The following HERC2 variants were observed in gnomAD, a reference collection of about 807,000 sequenced individuals.
HERC2 encodes E3 ubiquitin-protein ligase HERC2.
Under a neutral mutation model 537.7 loss-of-function variants are expected in HERC2, and 102 were observed. That is an observed-to-expected ratio of 0.19 (90% CI 0.16 to 0.22). The LOEUF is 0.22. HERC2 is among the 10% of genes least tolerant of loss of function. The probability of loss-of-function intolerance (pLI) is 1.00; values close to 1 mark genes in which losing one functional copy is unlikely to be tolerated. For missense variants in HERC2, 4,236 were observed against 6,198.2 expected, an observed-to-expected ratio of 0.68 and a Z score of 10.63; for synonymous variants, 2,224 against 2,466.2, an observed-to-expected ratio of 0.90 and a Z score of 2.91.
At position 28,265,603 on chromosome 15, in the gene HERC2, G is replaced by A. The variant is rs746790958; in HGVS notation, c.1870+15C>T. On this transcript the variant is annotated intron_variant, in intron 14 of 92. Coordinates refer to ENST00000261609, the MANE Select transcript of HERC2 (RefSeq NM_004667.6). This position sits in a 1 kb window ranked among gnomAD's most constrained non-coding sequence, Gnocchi z 4.0. ...TCCTCGTGGGCCTGTCCAGGGTGGC[G>A]AGAGCTCTACGTACCGTTCTCAGTG... is the stretch of plus-strand genomic sequence containing the variant. 1.2e-5 allele frequency: 20 copies of A among 1,607,530 alleles called. No homozygotes were observed. Among genetic ancestry groups the A allele is most frequent in the Non-Finnish European group, 1.6e-5 (19 of 1,174,852 alleles).
Position 28,146,264 on chromosome 15 carries a change from C to T in HERC2, c.10981G>A (p.Val3661Ile), listed in dbSNP as rs368367299. The change falls in exon 71 of 93, where the codon GTC becomes ATC. Residue 3661 changes from valine (V) to isoleucine (I), a missense_variant. By Grantham distance (29) the Val-to-Ile change is conservative. This residue lies in a region of HERC2 where 356 missense variants were observed against 450.9 expected (regional missense o/e 0.79). Transcript: ENST00000261609. ...GACCGCACGGAGACGATCCTGTTGA[C>T]GCCGTCCATGACTGTGAGAGGGTCG... ...RHDPLTVMDG[V>I]NRIVSVRSGR... is the part of the protein sequence containing the mutation. 5.9e-5 allele frequency: 96 copies of T among 1,613,836 alleles called. No homozygotes were observed. The highest frequency in any genetic ancestry group is 7.5e-5 in the Non-Finnish European group (88 of 1,179,928).
intron 2 of HERC2, among the ~76,000 whole-genome samples, chr15:28,311,076 CAAAAAAAAAAAAAAAA>C (rs71132854): frequency 6.8e-5 from 2 of 29,294 alleles, no homozygotes; most frequent in Non-Finnish European, 1.2e-4. Context: ...GACTGCATCT[CAAAAAAAAAAAAAAAA>C]AAAAAAAAAA....
chr15:28,305,859 G>C (rs1314783334), intron 2 of HERC2, among the ~76,000 whole-genome samples: 1 of 151,580 alleles, frequency 6.6e-6, no homozygotes, highest in Non-Finnish European at 1.5e-5. Flanking sequence ...CCATCAAAAA[G>C]TGGGCGAAGG....
intron 2 of HERC2, among the ~76,000 whole-genome samples, chr15:28,301,834 T>C (rs1444700113): frequency 7.1e-6 from 1 of 140,136 alleles, no homozygotes; most frequent in Non-Finnish European, 1.5e-5. Context: ...CGGATCTCGT[T>C]CTGGCACTAA....
chr15:28,199,232 C>G (rs1218542552), intron 48 of HERC2, among the ~76,000 whole-genome samples: 2 of 152,100 alleles, frequency 1.3e-5, no homozygotes, highest in Admixed American at 6.5e-5. Context: ...CTTTAGAACA[C>G]TGTCTGGCTT....
In HERC2 at chr15:28,215,644, T is replaced by C. The variant is rs940667181; in HGVS notation, c.6187A>G (p.Thr2063Ala). Residue 2063 changes from threonine (T) to alanine (A), a missense_variant, in exon 39 of 93, where the codon ACT becomes GCT. By Grantham distance (58) the Thr-to-Ala change is moderately conservative. Around this residue, in one of 27 missense-constraint regions of HERC2, gnomAD observed 365 missense variants for 468.8 expected, o/e 0.78. Coordinates refer to ENST00000261609, the MANE Select transcript of HERC2 (RefSeq NM_004667.6). ...MKVVEGHAPF[T>A]ATSLQRQILA... ...ACCTGCCTCTGCAGCGAGGTGGCAG[T>C]GAAGGGTGCGTGCCCTTCCACGACC... 1 of 1,610,512 alleles carries C rather than the reference T, an allele frequency of 6.2e-7. No individual in the cohort carries two copies. Among genetic ancestry groups the C allele is most frequent in the African/African-American group, 1.3e-5 (1 of 74,830 alleles).
At chr15:28,262,612 G>T (rs1265557134) in intron 15 of HERC2, among the ~76,000 whole-genome samples, 1 of 152,170 alleles carries the variant, frequency 6.6e-6, no homozygotes, top group Non-Finnish European at 1.5e-5. Context: ...ACCACACAGA[G>T]GGAACCCTTA....
chr15:28,169,985 C>T (rs1372871451), intron 65 of HERC2, among the ~76,000 whole-genome samples: 1 of 152,102 alleles, frequency 6.6e-6, no homozygotes, highest in Non-Finnish European at 1.5e-5. Flanking sequence ...CCCGGTAAGA[C>T]AAGACAAAAA....
At chr15:28,166,775 T>C (rs1166862431) in intron 68 of HERC2, among the ~76,000 whole-genome samples, 2 of 152,122 alleles carry the variant, frequency 1.3e-5, no homozygotes, top group Non-Finnish European at 2.9e-5. Flanking sequence ...CGAGTCCCAG[T>C]GACCAGTCCA....
chr15:28,167,578 G>A lies in HERC2; in HGVS notation c.10554+109C>T. 3 of 1,336,730 alleles carry A rather than the reference G, an allele frequency of 2.2e-6. No individual in the cohort carries two copies. The South Asian group carries it at 3.7e-5, about 17-fold the overall frequency. The allele number at this position is 1,336,730 out of a possible 1,614,324, so 82.8% of individuals were successfully genotyped here. A position where few individuals can be genotyped will look rare whatever the true frequency, so the allele number is the denominator to read the frequency against. On this transcript the variant is annotated intron_variant, in intron 68 of 92. Transcript: ENST00000261609. ...AAGATGCTAACAAGTGGACAGCCGA[G>A]GTGAATGGGATAGGAATAGACTGTG... is the stretch of plus-strand genomic sequence containing the variant.
intron 17 of HERC2, 32 bp from the exon 18 acceptor site, chr15:28,256,349 C>A: frequency 6.9e-7 from 1 of 1,442,848 alleles, no homozygotes; most frequent in Non-Finnish European, 9.4e-7. Context: ...TCACTTAGAA[C>A]CCCTAAAAAT....
chr15:28,181,475 A>T (rs1485380532), intron 57 of HERC2, among the ~76,000 whole-genome samples: 1 of 152,252 alleles, frequency 6.6e-6, no homozygotes, highest in Non-Finnish European at 1.5e-5. Context: ...GAAAGGAAAG[A>T]GTTCAAATGA....
chr15:28,238,279 G>GA (rs1323687326), intron 24 of HERC2, 62 bp from the exon 25 acceptor site: 1 of 1,194,204 alleles, frequency 8.4e-7, no homozygotes, highest in Non-Finnish European at 1.3e-6. Context: ...AGATATAGGA[G>GA]AAACAGTGAA....
At position 28,224,376 on chromosome 15, in the gene HERC2, TA is replaced by T. The variant is rs1293387249; in HGVS notation, c.5465-2162del. Among the ~76,000 whole-genome samples the T allele has an allele frequency of 6.6e-5, 10 of 152,110 alleles. No homozygotes were observed. The South Asian group carries it at 2.1e-3, about 32-fold the overall frequency. On this transcript the variant is annotated intron_variant, in intron 35 of 92. Coordinates refer to ENST00000261609, the MANE Select transcript of HERC2 (RefSeq NM_004667.6). Reference sequence around the variant, plus strand: ...AGCTGGGACCATAGGCACACACCACTATGCCCAGCTAGTTTTCGTATTTTTT... The same window carrying T: ...AGCTGGGACCATAGGCACACACCACTTGCCCAGCTAGTTTTCGTATTTTTT...
chr15:28,218,487 A>G lies in HERC2; in HGVS notation c.6028+2T>C. The G allele has an allele frequency of 6.3e-7, 1 of 1,592,798 alleles. No homozygotes were observed. The highest frequency in any genetic ancestry group is 8.5e-7 in the Non-Finnish European group (1 of 1,178,116). ...CTGGGCCCTCGATCTCTCATTCCATACATGTCTTGTCCGTCGTTCCGCTTT... is the reference window on the plus strand; with the variant it reads ...CTGGGCCCTCGATCTCTCATTCCATGCATGTCTTGTCCGTCGTTCCGCTTT... On this transcript the variant is annotated splice_donor_variant, in intron 38 of 92. Coordinates refer to ENST00000261609, the MANE Select transcript of HERC2 (RefSeq NM_004667.6). LOFTEE classifies it high-confidence loss of function.
intron 35 of HERC2, 151 bp downstream of exon 35, chr15:28,228,067 G>C: frequency 1.4e-6 from 1 of 704,680 alleles, no homozygotes; most frequent in South Asian, 1.9e-5. Flanking sequence ...TGATACCGCT[G>C]AATTGTGACG....
At chr15:28,290,257 A>G (rs968367626) in intron 4 of HERC2, among the ~76,000 whole-genome samples, 3 of 152,160 alleles carry the variant, frequency 2.0e-5, no homozygotes, top group Non-Finnish European at 2.9e-5. Context: ...ATACCTGAAC[A>G]CTATCAACTT....
chr15:28,317,750 G>C (rs1011164697), intron 2 of HERC2, among the ~76,000 whole-genome samples: 8 of 152,132 alleles, frequency 5.3e-5, no homozygotes, highest in Admixed American at 6.5e-5. Context: ...TGATAGAATG[G>C]CACAGAACTA....
At position 28,114,704 on chromosome 15, in the gene HERC2, A is replaced by G. The variant is rs764136559; in HGVS notation, c.13821T>C (p.Ser4607=). The G allele has an allele frequency of 1.3e-5, 21 of 1,614,008 alleles. No homozygotes were observed. In the Middle Eastern group the frequency reaches 4.9e-4, roughly 38 times the overall value. Residue 4607 remains serine (S), a synonymous_variant, in exon 90 of 93, where the codon AGT becomes AGC. Transcript: ENST00000261609. The part of the protein sequence containing the change: ...EAMSLPFTVP[S]ASGQDIQLSS... ...TCAACTGAATGTCCTGGCCACTGGC[A>G]CTTGGCACTGTGAAGGGCAGGCTCA... is the stretch of plus-strand genomic sequence containing the variant.
Sources: gnomAD v4.1 joint callset for allele counts (sites outside exome capture counted in the v4.1 genomes callset) on GRCh38, gnomAD v4.1.1 for gene constraint, gnomAD v4.1.1 regional missense constraint, Gnocchi (gnomAD v3.1) non-coding constraint, MANE v1.5 for transcripts, NCBI Gene and HGNC (gene_info 2026-07-23, HGNC 2026-07-21) for gene names.